PPFIA2: variants seen among roughly 807,000 people sequenced by gnomAD.
PPFIA2 encodes the protein PPFI scaffold protein A2, also known as liprin-alpha-2.
A neutral mutation model predicts 175.5 loss-of-function variants in PPFIA2; 46 were observed. That is an observed-to-expected ratio of 0.26 (90% CI 0.21 to 0.34). The LOEUF (loss-of-function observed/expected upper bound fraction) is 0.34. Ranked by LOEUF, PPFIA2 falls within the 10% of genes least tolerant of loss-of-function variation. The probability of loss-of-function intolerance (pLI) is 1.00; values close to 1 mark genes in which losing one functional copy is unlikely to be tolerated. For missense variants in PPFIA2, 1,179 were observed against 1,506.1 expected (o/e 0.78, Z 3.60); for synonymous variants, 568 against 511.4 (o/e 1.11, Z -1.49).
intron 3 of PPFIA2, among the ~76,000 whole-genome samples, chr12:81,690,804 G>T (rs1441947487): frequency 6.6e-6 from 1 of 152,106 alleles, no homozygotes; most frequent in African/African-American, 2.4e-5. Context: ...CTTCAGAGGA[G>T]AATCCATTTC....
intron 5 of PPFIA2, among the ~76,000 whole-genome samples, chr12:81,450,657 G>A (rs144174762): frequency 0.016 from 2,494 of 152,146 alleles, 39 homozygotes; most frequent in Non-Finnish European, 0.026. Flanking sequence ...GATCCCATTT[G>A]TCAATTTTGG....
chr12:81,382,167 G>A (rs1431391871), intron 9 of PPFIA2, among the ~76,000 whole-genome samples: 2 of 152,046 alleles, frequency 1.3e-5, no homozygotes, highest in East Asian at 3.9e-4. Flanking sequence ...AAACAACATT[G>A]AACAAAAGGC....
intron 14 of PPFIA2, among the ~76,000 whole-genome samples, chr12:81,365,904 A>G (rs1049866924): frequency 2.0e-5 from 3 of 151,550 alleles, no homozygotes; most frequent in South Asian, 2.1e-4. Flanking sequence ...GGTTAAATGT[A>G]TAATTGTTCT....
intron 22 of PPFIA2, among the ~76,000 whole-genome samples, chr12:81,305,941 G>A (rs1017829018): frequency 6.6e-6 from 1 of 152,114 alleles, no homozygotes; most frequent in African/African-American, 2.4e-5. Flanking sequence ...ACTGTGGATG[G>A]TTTATCTCTG....
intron 4 of PPFIA2, among the ~76,000 whole-genome samples, chr12:81,523,915 T>G (rs2153263284): frequency 6.6e-6 from 1 of 152,310 alleles, no homozygotes; most frequent in South Asian, 2.1e-4. Context: ...TGAAAAATTC[T>G]TAGAACAAAA....
At chr12:81,704,942 G>A (rs1268810628) in intron 3 of PPFIA2, among the ~76,000 whole-genome samples, 1 of 151,070 alleles carries the variant, frequency 6.6e-6, no homozygotes, top group Non-Finnish European at 1.5e-5. Context: ...AAATTAGCTG[G>A]GCATGGTGGC....
At chr12:81,310,184 A>G (rs1206010547) in intron 22 of PPFIA2, among the ~76,000 whole-genome samples, 2 of 152,136 alleles carry the variant, frequency 1.3e-5, no homozygotes, top group Non-Finnish European at 2.9e-5. Flanking sequence ...ATTAGTAAGT[A>G]CAAAGAATAT....
At chr12:81,276,630 G>A (rs1419694636) in intron 28 of PPFIA2, among the ~76,000 whole-genome samples, 1 of 151,492 alleles carries the variant, frequency 6.6e-6, no homozygotes, top group Non-Finnish European at 1.5e-5. Flanking sequence ...ATCCTTTGTC[G>A]GGTATATTAA....
chr12:81,657,217 T>A (rs1448130616), intron 4 of PPFIA2, among the ~76,000 whole-genome samples: 1 of 152,188 alleles, frequency 6.6e-6, no homozygotes, highest in Non-Finnish European at 1.5e-5. Flanking sequence ...GCCAATCTTC[T>A]GGAGACCCAG....
At chr12:81,724,317 CTATT>C (rs985152036) in intron 3 of PPFIA2, among the ~76,000 whole-genome samples, 9 of 150,860 alleles carry the variant, frequency 6.0e-5, no homozygotes, top group East Asian at 2.0e-4. Context: ...TTTGAGCCTT[CTATT>C]TATTTATTTA....
At chr12:81,522,120 T>TA (rs1231711652) in intron 4 of PPFIA2, among the ~76,000 whole-genome samples, 2 of 152,158 alleles carry the variant, frequency 1.3e-5, no homozygotes, top group African/African-American at 4.8e-5. Context: ...AGCAAAAATA[T>TA]AAAAAATCTG....
chr12:81,640,425 C>T (rs957457577), intron 4 of PPFIA2, among the ~76,000 whole-genome samples: 1 of 152,126 alleles, frequency 6.6e-6, no homozygotes, highest in Non-Finnish European at 1.5e-5. Context: ...TCTAATCACA[C>T]TTGCCAAATA....
At chr12:81,312,331 GACAC>G (rs1308852439) in intron 22 of PPFIA2, 4 of 676,676 alleles carry the variant, frequency 5.9e-6, no homozygotes, top group Non-Finnish European at 1.0e-5. Context: ...ATTTCATCAT[GACAC>G]ACATACTCAC....
chr12:81,664,084 C>A lies in PPFIA2; in HGVS notation c.303+12707G>T, dbSNP rs556675768. On this transcript the variant is annotated intron_variant, in intron 4 of 32. Transcript: ENST00000549396. Reference sequence around the variant, plus strand: ...AATGTTAGACCTAAAACCATAAAAACCCTAGAAGAAAACCTAGGCAATACC... The same window carrying A: ...AATGTTAGACCTAAAACCATAAAAAACCTAGAAGAAAACCTAGGCAATACC... 9.2e-4 allele frequency among the ~76,000 whole-genome samples: 140 copies of A among 152,218 alleles called. 1 individual carries two copies. The highest frequency in any genetic ancestry group is 3.0e-3 in the African/African-American group (123 of 41,538).
chr12:81,384,285 T>A, intron 8 of PPFIA2, 41 bp from the exon 9 acceptor site: 1 of 1,269,826 alleles, frequency 7.9e-7, no homozygotes. Context: ...AGAATTTTCA[T>A]CTTTAATTTA....
rs34593102 is a variant in PPFIA2 at position 81,600,491 on chromosome 12, C to T, written c.303+76300G>A. 2.0e-3 allele frequency among the ~76,000 whole-genome samples: 302 copies of T among 151,888 alleles called. 1 individual carries two copies. Among genetic ancestry groups the T allele is most frequent in the Admixed American group, 3.7e-3 (56 of 15,198 alleles). Reference sequence around the variant, plus strand: ...ACTATTTATTTCCTTAACTATAACTCTAATTATTATTGTGAGTAAACTTGA... The same window carrying T: ...ACTATTTATTTCCTTAACTATAACTTTAATTATTATTGTGAGTAAACTTGA... On this transcript the variant is annotated intron_variant, in intron 4 of 32. Transcript: ENST00000549396.
chr12:81,392,407 T>C (rs567745969), intron 8 of PPFIA2, among the ~76,000 whole-genome samples: 6 of 151,982 alleles, frequency 3.9e-5, no homozygotes, highest in Admixed American at 1.3e-4. Flanking sequence ...CAAGCTATTG[T>C]ATAAGCCCAC....
chr12:81,712,792 G>A (rs948659177), intron 3 of PPFIA2, among the ~76,000 whole-genome samples: 3 of 148,176 alleles, frequency 2.0e-5, no homozygotes, highest in Non-Finnish European at 3.0e-5. Flanking sequence ...AGACTCTTAC[G>A]CTTTCAATTG....
At chr12:81,456,455 C>T (rs2053583870) in intron 5 of PPFIA2, among the ~76,000 whole-genome samples, 1 of 152,140 alleles carries the variant, frequency 6.6e-6, no homozygotes, top group Non-Finnish European at 1.5e-5. Flanking sequence ...GATCATGTAA[C>T]CATTATGCAA....
Sources: allele counts gnomAD v4.1 joint callset (sites outside exome capture counted in the v4.1 genomes callset), GRCh38; gene constraint gnomAD v4.1.1; transcripts MANE v1.5; gene names NCBI Gene and HGNC (gene_info 2026-07-23, HGNC 2026-07-21).